GALNT13: variants seen among roughly 807,000 people sequenced by gnomAD.
GALNT13 encodes polypeptide N-acetylgalactosaminyltransferase 13, also known as UDP-GalNAc:polypeptide N-acetylgalactosaminyltransferase 13.
In GALNT13, 28 loss-of-function variants were observed where a neutral mutation model predicts 64.2. The observed-to-expected ratio is 0.44, with a 90% CI of 0.32 to 0.60. The LOEUF (loss-of-function observed/expected upper bound fraction) is 0.60, where lower values mean the gene tolerates loss of function less well. Among genes scored for constraint, GALNT13 ranks in the 20% least tolerant of loss-of-function variants. GALNT13 has a pLI of 0.05. For missense variants in GALNT13, 577 were observed against 669.8 expected (o/e 0.86, Z 1.53); for synonymous variants, 214 against 224.6 (o/e 0.95, Z 0.42).
At position 153,980,191 on chromosome 2, in the gene GALNT13, C is replaced by T. The variant is rs1467029290; in HGVS notation, c.142+35552C>T. 3.3e-5 allele frequency among the ~76,000 whole-genome samples: 5 copies of T among 152,262 alleles called. No individual in the cohort carries two copies. In the South Asian group the frequency reaches 1.0e-3, roughly 32 times the overall value. Reference sequence around the variant, plus strand: ...ATAGGTGGACCAAGGAGGCTAGTGACATGGTCAAATCATTGTAGACAATAT... The same window carrying T: ...ATAGGTGGACCAAGGAGGCTAGTGATATGGTCAAATCATTGTAGACAATAT... On this transcript the variant is annotated intron_variant, in intron 3 of 12. Transcript: ENST00000392825.
At chr2:153,434,507 T>C in the GALNT13 span, among the ~76,000 whole-genome samples, 1 of 152,194 alleles carries the variant, frequency 6.6e-6, no homozygotes, top group Non-Finnish European at 1.5e-5. Flanking sequence ...TCCTGACTTT[T>C]TAATGATCAC....
At chr2:153,606,440 A>G in the GALNT13 span, among the ~76,000 whole-genome samples, 2 of 152,058 alleles carry the variant, frequency 1.3e-5, no homozygotes, top group African/African-American at 4.8e-5. Flanking sequence ...ATGGCTTTAT[A>G]TGTGACCCAA....
the GALNT13 span, among the ~76,000 whole-genome samples, chr2:153,678,600 T>A: frequency 6.6e-6 from 1 of 151,792 alleles, no homozygotes; most frequent in Non-Finnish European, 1.5e-5. Flanking sequence ...GGTGACAAAA[T>A]AATCTGTATG....
the GALNT13 span, among the ~76,000 whole-genome samples, chr2:153,671,581 T>C: frequency 2.0e-5 from 3 of 152,134 alleles, no homozygotes; most frequent in Non-Finnish European, 4.4e-5. Flanking sequence ...CAACCGGTAC[T>C]AGCCACTGCA....
At chr2:153,918,726 T>C (rs1440281328) in intron 2 of GALNT13, among the ~76,000 whole-genome samples, 1 of 152,154 alleles carries the variant, frequency 6.6e-6, no homozygotes, top group Non-Finnish European at 1.5e-5. Context: ...TGTTCAACCT[T>C]GTCCCTTTCT....
chr2:153,247,408 G>A, the GALNT13 span, among the ~76,000 whole-genome samples: 2 of 152,168 alleles, frequency 1.3e-5, no homozygotes, highest in Admixed American at 1.3e-4. Context: ...CTCAGCAAAT[G>A]CAAAAGAATG....
chr2:153,238,555 C>T, the GALNT13 span, among the ~76,000 whole-genome samples: 1 of 151,962 alleles, frequency 6.6e-6, no homozygotes, highest in Non-Finnish European at 1.5e-5. Flanking sequence ...ATGTGGATAT[C>T]CAGTTTCCCC....
intron 4 of GALNT13, among the ~76,000 whole-genome samples, chr2:154,217,483 C>G (rs1688107416): frequency 6.6e-6 from 1 of 152,056 alleles, no homozygotes; most frequent in Admixed American, 6.6e-5. Flanking sequence ...ATCATATGTT[C>G]TATTCTAATT....
At chr2:153,396,020 TA>T in the GALNT13 span, among the ~76,000 whole-genome samples, 1 of 152,260 alleles carries the variant, frequency 6.6e-6, no homozygotes, top group South Asian at 2.1e-4. Context: ...AAAATTGCAA[TA>T]GATGGTATGT....
At chr2:153,400,497 A>G in the GALNT13 span, among the ~76,000 whole-genome samples, 1 of 152,186 alleles carries the variant, frequency 6.6e-6, no homozygotes, top group Non-Finnish European at 1.5e-5. Context: ...TTCAGAAGGA[A>G]TGGTACTAGT....
At chr2:153,672,773 T>G in the GALNT13 span, among the ~76,000 whole-genome samples, 20 of 105,152 alleles carry the variant, frequency 1.9e-4, no homozygotes, top group East Asian at 3.5e-3. Flanking sequence ...AGGAGGTGTT[T>G]TTTTTTTTTT....
At chr2:153,837,958 C>A in the GALNT13 span, among the ~76,000 whole-genome samples, 3 of 151,932 alleles carry the variant, frequency 2.0e-5, no homozygotes, top group African/African-American at 7.2e-5. Flanking sequence ...TTAATAATAA[C>A]CTTTCTAACA....
intron 10 of GALNT13, among the ~76,000 whole-genome samples, chr2:154,405,257 C>T (rs1416450462): frequency 2.6e-5 from 4 of 151,220 alleles, no homozygotes; most frequent in Non-Finnish European, 4.4e-5. Flanking sequence ...AAATGAAGGC[C>T]AAACTTGTAA....
chr2:154,346,942 T>C (rs1574130368), intron 9 of GALNT13, among the ~76,000 whole-genome samples: 1 of 152,110 alleles, frequency 6.6e-6, no homozygotes, highest in Admixed American at 6.6e-5. Flanking sequence ...GTGGGTTTCA[T>C]GTGTTCTCAT....
At chr2:154,244,369 G>A (rs1294293731) in intron 6 of GALNT13, among the ~76,000 whole-genome samples, 1 of 151,982 alleles carries the variant, frequency 6.6e-6, no homozygotes, top group East Asian at 1.9e-4. Flanking sequence ...ATTTTTCTGG[G>A]GTCCAGAGTC....
chr2:154,018,255 A>T (rs1697142886), intron 3 of GALNT13, among the ~76,000 whole-genome samples: 1 of 152,178 alleles, frequency 6.6e-6, no homozygotes, highest in South Asian at 2.1e-4. Context: ...ATTTATTGTC[A>T]GGGTTTATTC....
chr2:153,925,086 T>C (rs1255805398), intron 2 of GALNT13, among the ~76,000 whole-genome samples: 1 of 152,220 alleles, frequency 6.6e-6, no homozygotes, highest in Non-Finnish European at 1.5e-5. Context: ...ATTTTTGCTT[T>C]CGTTGCAATT....
intron 4 of GALNT13, among the ~76,000 whole-genome samples, chr2:154,228,591 TA>T: frequency 6.6e-6 from 1 of 152,290 alleles, no homozygotes; most frequent in African/African-American, 2.4e-5. Context: ...CTGAGAAGAT[TA>T]ATATTGCCAA....
chr2:153,293,756 TC>T, the GALNT13 span, among the ~76,000 whole-genome samples: 1 of 118,824 alleles, frequency 8.4e-6, no homozygotes, highest in Admixed American at 8.4e-5. Context: ...TTACTTTTTT[TC>T]TGTTTGTGTG....
Sources: gnomAD v4.1 joint callset for allele counts (sites outside exome capture counted in the v4.1 genomes callset) on GRCh38, gnomAD v4.1.1 for gene constraint, MANE v1.5 for transcripts, NCBI Gene and HGNC (gene_info 2026-07-23, HGNC 2026-07-21) for gene names.